The following GUCY1A2 variants were observed in gnomAD, a reference collection of about 807,000 sequenced individuals.
GUCY1A2 encodes guanylate cyclase soluble subunit alpha-2.
In GUCY1A2, 27 loss-of-function variants were observed where a neutral mutation model predicts 63.5. The ratio of observed to expected loss-of-function variants is 0.43; its 90% CI spans 0.31 to 0.59. The LOEUF is 0.59. GUCY1A2 is among the 20% of genes least tolerant of loss of function. GUCY1A2 has a pLI of 0.11. For missense variants in GUCY1A2, 768 were observed against 913.3 expected (o/e 0.84, Z 2.05); for synonymous variants, 364 against 343.5 (o/e 1.06, Z -0.66).
intron 4 of GUCY1A2, among the ~76,000 whole-genome samples, chr11:106,910,528 T>C (rs979670913): frequency 6.6e-6 from 1 of 152,122 alleles, no homozygotes; most frequent in African/African-American, 2.4e-5. Context: ...TCCATGACTA[T>C]GGCTCCACGA....
At chr11:106,793,447 G>GT (rs1864698527) in intron 5 of GUCY1A2, among the ~76,000 whole-genome samples, 1 of 151,974 alleles carries the variant, frequency 6.6e-6, no homozygotes, top group Admixed American at 6.6e-5. Context: ...TTAGCAATGA[G>GT]TTTTTTGGAT....
chr11:106,691,015 TAAAATG>T (rs1862614377), intron 7 of GUCY1A2, among the ~76,000 whole-genome samples: 1 of 152,172 alleles, frequency 6.6e-6, no homozygotes, highest in African/African-American at 2.4e-5. Context: ...ACTTCAGAAA[TAAAATG>T]TAAAAAGCTC....
In GUCY1A2 at chr11:106,681,013, T is replaced by G. The variant is rs979708648; in HGVS notation, c.*6536A>C. 2 of 205,354 alleles carry G rather than the reference T, an allele frequency of 9.7e-6. No individual in the cohort carries two copies. Among genetic ancestry groups the G allele is most frequent in the African/African-American group, 4.6e-5 (2 of 43,828 alleles). The allele number at this position is 205,354 out of a possible 1,614,324, so 12.7% of individuals were successfully genotyped here. ...ATTATTCTAAATGATGAAGTAAATT[T>G]AACTACTAAAGAACTGATTATCATT... On this transcript the variant is annotated 3_prime_UTR_variant, in exon 8 of 8. Coordinates refer to ENST00000526355, the MANE Select transcript of GUCY1A2 (RefSeq NM_000855.3).
intron 4 of GUCY1A2, among the ~76,000 whole-genome samples, chr11:106,935,766 G>C (rs1860667289): frequency 1.3e-5 from 2 of 151,212 alleles, no homozygotes. Context: ...AGAATCGCTT[G>C]AACTAGGGAG....
At chr11:106,961,551 A>T (rs1283821731) in intron 3 of GUCY1A2, among the ~76,000 whole-genome samples, 2 of 152,216 alleles carry the variant, frequency 1.3e-5, no homozygotes, top group Non-Finnish European at 2.9e-5. Flanking sequence ...AACCGAATCT[A>T]GTACTTGGCA....
chr11:106,909,091 T>G (rs1414985871), intron 4 of GUCY1A2, among the ~76,000 whole-genome samples: 1 of 152,022 alleles, frequency 6.6e-6, no homozygotes, highest in African/African-American at 2.4e-5. Flanking sequence ...TACAGAAAAG[T>G]TTACATCATC....
At chr11:106,863,653 T>A (rs1859546186) in intron 4 of GUCY1A2, among the ~76,000 whole-genome samples, 1 of 90,550 alleles carries the variant, frequency 1.1e-5, no homozygotes, top group African/African-American at 3.8e-5. Context: ...TTTAGAGTAG[T>A]TTTTTCTAAT....
At chr11:106,826,933 G>A (rs1257421015) in intron 4 of GUCY1A2, 11 of 1,609,478 alleles carry the variant, frequency 6.8e-6, no homozygotes, top group Admixed American at 3.3e-5. Context: ...TTCTATATTC[G>A]GTGTAACTCC....
chr11:106,974,546 C>G (rs1861238017), intron 3 of GUCY1A2, among the ~76,000 whole-genome samples: 1 of 151,968 alleles, frequency 6.6e-6, no homozygotes, highest in Non-Finnish European at 1.5e-5. Flanking sequence ...TCCATACCAG[C>G]TAAAGATTGT....
intron 4 of GUCY1A2, among the ~76,000 whole-genome samples, chr11:106,841,715 A>C (rs1004293538): frequency 4.6e-5 from 7 of 151,926 alleles, no homozygotes; most frequent in African/African-American, 1.7e-4. Context: ...GAAAGTATAA[A>C]GTCTCTTCAA....
chr11:106,760,782 T>C (rs1048284839), intron 6 of GUCY1A2, among the ~76,000 whole-genome samples: 1 of 152,080 alleles, frequency 6.6e-6, no homozygotes, highest in African/African-American at 2.4e-5. Flanking sequence ...ATCATTTCCA[T>C]AGAAAATACT....
rs764391294 is a variant in GUCY1A2 at position 106,686,243 on chromosome 11, A to G, written c.*1306T>C. 5.0e-5 allele frequency: 11 copies of G among 218,298 alleles called. No individual in the cohort carries two copies. Among genetic ancestry groups the G allele is most frequent in the Non-Finnish European group, 1.0e-4 (11 of 108,736 alleles). 13.5% of individuals were successfully genotyped at this position (218,298 alleles called of 1,614,324 possible). On this transcript the variant is annotated 3_prime_UTR_variant, in exon 8 of 8. Transcript: ENST00000526355. ...TTTCATGCAGTATTGATTAATGAGA[A>G]CAGGTCTTCATTTGAGCAGGACATG... is the stretch of plus-strand genomic sequence containing the variant.
intron 3 of GUCY1A2, among the ~76,000 whole-genome samples, chr11:106,955,013 T>C (rs1451846174): frequency 6.6e-6 from 1 of 151,966 alleles, no homozygotes; most frequent in Non-Finnish European, 1.5e-5. Flanking sequence ...AGTTTTGCTC[T>C]TGTTGCCCAG....
chr11:106,775,904 A>C (rs111723538), intron 6 of GUCY1A2, among the ~76,000 whole-genome samples: 9 of 152,268 alleles, frequency 5.9e-5, no homozygotes, highest in African/African-American at 2.2e-4. Context: ...GAAGACCATC[A>C]GACCCAAGAG....
intron 4 of GUCY1A2, among the ~76,000 whole-genome samples, chr11:106,837,174 T>C (rs946739950): frequency 3.9e-5 from 6 of 151,914 alleles, no homozygotes; most frequent in African/African-American, 7.2e-5. Flanking sequence ...GAGGCCCCAG[T>C]GTCTATTGTT....
At chr11:106,699,780 C>CT (rs1007127304) in intron 7 of GUCY1A2, among the ~76,000 whole-genome samples, 2 of 151,320 alleles carry the variant, frequency 1.3e-5, no homozygotes, top group Non-Finnish European at 3.0e-5. Flanking sequence ...TGTCTTTTTT[C>CT]TTTTTTTTCT....
intron 4 of GUCY1A2, among the ~76,000 whole-genome samples, chr11:106,848,173 T>C (rs1859302716): frequency 6.6e-6 from 1 of 151,702 alleles, no homozygotes; most frequent in Non-Finnish European, 1.5e-5. Context: ...TCTTTTTACA[T>C]GTTGTTCAAT....
chr11:106,984,877 C>T (rs1861381781), intron 2 of GUCY1A2, among the ~76,000 whole-genome samples: 1 of 152,166 alleles, frequency 6.6e-6, no homozygotes. Flanking sequence ...TGGCCTCAAA[C>T]TAAAAGCCAT....
rs571213156 is a variant in GUCY1A2 at position 106,787,048 on chromosome 11, T to C, written c.1693-10466A>G. ...CAAAAGTAAATCCTGTGACCCAATT[T>C]AGCATATCAAGTGAAAATATTAAGA... On this transcript the variant is annotated intron_variant, in intron 5 of 7. Transcript: ENST00000526355. Among the ~76,000 whole-genome samples the C allele has an allele frequency of 1.4e-3, 207 of 152,286 alleles. 1 individual carries two copies. The highest frequency in any genetic ancestry group is 4.7e-3 in the African/African-American group (195 of 41,572).
Sources: allele counts gnomAD v4.1 joint callset (sites outside exome capture counted in the v4.1 genomes callset), GRCh38; gene constraint gnomAD v4.1.1; transcripts MANE v1.5; gene names NCBI Gene and HGNC (gene_info 2026-07-23, HGNC 2026-07-21).